GYG1: variants seen among roughly 807,000 people sequenced by gnomAD.
GYG1 encodes glycogenin 1, also known as glycogenin-1.
In GYG1, 44 loss-of-function variants were observed where a neutral mutation model predicts 41.9. That is an observed-to-expected ratio of 1.05 (90% CI 0.83 to 1.35). The LOEUF (loss-of-function observed/expected upper bound fraction) is 1.35, where lower values mean the gene tolerates loss of function less well. Among genes scored for constraint, GYG1 ranks in the 40% most tolerant of loss-of-function variants. The pLI is 0.00. For missense variants in GYG1, 429 were observed against 418.9 expected (o/e 1.02, Z -0.21); for synonymous variants, 141 against 158.1 (o/e 0.89, Z 0.81).
chr3:149,024,372 G>A, intron 6 of GYG1, 100 bp downstream of exon 6: 3 of 786,202 alleles, frequency 3.8e-6, no homozygotes, highest in East Asian at 2.5e-5. Context: ...TTTAAACAAA[G>A]AGATAAATAA....
chr3:149,013,665 G>T (rs1205253439), intron 5 of GYG1, among the ~76,000 whole-genome samples: 1 of 152,098 alleles, frequency 6.6e-6, no homozygotes, highest in African/African-American at 2.4e-5. Flanking sequence ...TTAAGAATCA[G>T]ACTCATTCAC....
chr3:148,995,917 G>A (rs749599582), intron 2 of GYG1, among the ~76,000 whole-genome samples: 2 of 152,148 alleles, frequency 1.3e-5, no homozygotes, highest in Non-Finnish European at 2.9e-5. Context: ...AATAAATGCT[G>A]GTTATATTGG....
At chr3:148,991,746 G>C (rs1712484325) in intron 1 of GYG1, 99 bp downstream of exon 1, 2 of 1,028,904 alleles carry the variant, frequency 1.9e-6, no homozygotes, top group East Asian at 5.8e-5. Flanking sequence ...GAGTGTTCCC[G>C]GCAGGACGAA....
At chr3:149,023,491 C>T (rs1416419851) in intron 5 of GYG1, among the ~76,000 whole-genome samples, 2 of 152,178 alleles carry the variant, frequency 1.3e-5, no homozygotes, top group African/African-American at 2.4e-5. Flanking sequence ...CTGGATTGTA[C>T]AGCATGAGCA....
chr3:148,997,226 T>G (rs1712852834), intron 4 of GYG1, among the ~76,000 whole-genome samples: 1 of 152,192 alleles, frequency 6.6e-6, no homozygotes, highest in Admixed American at 6.5e-5. Flanking sequence ...ACTGAAAAAC[T>G]TTAACATCTG....
chr3:149,013,900 C>G (rs1713874964), intron 5 of GYG1, among the ~76,000 whole-genome samples: 1 of 152,198 alleles, frequency 6.6e-6, no homozygotes, highest in Non-Finnish European at 1.5e-5. Context: ...GAGGCTGACT[C>G]AGAAAGAGTT....
Position 149,027,056 on chromosome 3 carries a change from A to G in GYG1, c.*123A>G. On this transcript the variant is annotated 3_prime_UTR_variant, in exon 8 of 8. Transcript: ENST00000345003. ...AGAGGTTTTCATTAAAACTTATCAG[A>G]TGAGAGGCTTTTTTAGGATAAGAGG... 1 of 1,018,074 alleles carries G rather than the reference A, an allele frequency of 9.8e-7. No individual in the cohort carries two copies. The highest frequency in any genetic ancestry group is 1.5e-6 in the Non-Finnish European group (1 of 664,256). 63.1% of individuals were successfully genotyped at this position (1,018,074 alleles called of 1,614,324 possible).
intron 1 of GYG1, 122 bp downstream of exon 1, chr3:148,991,769 T>C (rs1015789124): frequency 3.7e-6 from 3 of 813,966 alleles, no homozygotes; most frequent in Non-Finnish European, 5.7e-6. Context: ...CGCCGCAAAG[T>C]TGCTGGCTGG....
chr3:149,008,119 G>A (rs1713508102), intron 4 of GYG1: 2 of 152,216 alleles, frequency 1.3e-5, no homozygotes, highest in African/African-American at 4.8e-5. Context: ...TGGTGGGAGA[G>A]TGCACCATAG....
chr3:148,993,569 G>A (rs1449356707), intron 1 of GYG1, among the ~76,000 whole-genome samples: 1 of 152,164 alleles, frequency 6.6e-6, no homozygotes, highest in African/African-American at 2.4e-5. Context: ...TAAGATGCCT[G>A]GAGTTCGAGG....
chr3:149,009,443 G>A, intron 5 of GYG1, 41 bp downstream of exon 5: 2 of 1,604,142 alleles, frequency 1.2e-6, no homozygotes, highest in Non-Finnish European at 1.7e-6. Context: ...GATGTTGAGG[G>A]CAGAGAATTG....
chr3:149,016,209 C>T (rs1325924243), intron 5 of GYG1, among the ~76,000 whole-genome samples: 9 of 134,472 alleles, frequency 6.7e-5, no homozygotes, highest in Admixed American at 2.6e-4. Flanking sequence ...TGCAGTGAGC[C>T]GAGATCGTGC....
chr3:149,023,542 G>T (rs1421707940), intron 5 of GYG1, among the ~76,000 whole-genome samples: 1 of 152,172 alleles, frequency 6.6e-6, no homozygotes, highest in Non-Finnish European at 1.5e-5. Flanking sequence ...TTTCCAAGTG[G>T]TGTGCCTGTT....
At chr3:149,011,443 A>G (rs765050219) in intron 5 of GYG1, among the ~76,000 whole-genome samples, 15 of 152,170 alleles carry the variant, frequency 9.9e-5, no homozygotes, top group Non-Finnish European at 1.9e-4. Flanking sequence ...TTTGAATAGT[A>G]TGACCATTCC....
intron 5 of GYG1, among the ~76,000 whole-genome samples, chr3:149,019,931 T>G (rs1402431936): frequency 6.6e-6 from 1 of 152,206 alleles, no homozygotes; most frequent in Non-Finnish European, 1.5e-5. Flanking sequence ...AGCCAGAGGC[T>G]CAGGTGTATA....
In GYG1 at chr3:148,996,920, C is replaced by A; in HGVS notation, c.481+16C>A. On this transcript the variant is annotated intron_variant, in intron 4 of 7. Coordinates refer to ENST00000345003, the MANE Select transcript of GYG1 (RefSeq NM_004130.4). ...AGTTTTGATGGTATGTATTTGCTAT[C>A]TTCATGTCTGATAAGCTGTTAATAG... The A allele has an allele frequency of 1.3e-6, 2 of 1,591,900 alleles. No homozygotes were observed. The highest frequency in any genetic ancestry group is 8.6e-7 in the Non-Finnish European group (1 of 1,159,904).
chr3:149,012,997 T>TTTTGTGTGTGTGTGTGTG (rs1553731849), intron 5 of GYG1, among the ~76,000 whole-genome samples: 2 of 141,368 alleles, frequency 1.4e-5, no homozygotes, highest in African/African-American at 5.5e-5. Context: ...CTCAGTTAAT[T>TTTTGTGTGTGTGTGTGTG]TGTGTGTGTG....
chr3:149,005,726 A>T (rs560841240), intron 4 of GYG1, among the ~76,000 whole-genome samples: 2 of 152,270 alleles, frequency 1.3e-5, no homozygotes, highest in East Asian at 3.9e-4. Context: ...TCCTGATTGT[A>T]TTTTGCACAT....
intron 5 of GYG1, among the ~76,000 whole-genome samples, chr3:149,013,603 A>G (rs987835878): frequency 3.9e-4 from 60 of 152,104 alleles, no homozygotes; most frequent in Non-Finnish European, 7.8e-4. Flanking sequence ...ATATTTTTTC[A>G]TTTATTCTAC....
Sources: gnomAD v4.1 joint callset for allele counts (sites outside exome capture counted in the v4.1 genomes callset) on GRCh38, gnomAD v4.1.1 for gene constraint, MANE v1.5 for transcripts, NCBI Gene and HGNC (gene_info 2026-07-23, HGNC 2026-07-21) for gene names.